Variants in SYN3 observed in about 807,000 individuals in gnomAD.
SYN3 encodes synapsin-3.
In SYN3, 35 loss-of-function variants were observed where a neutral mutation model predicts 65.8. The observed-to-expected ratio is 0.53, with a 90% confidence interval of 0.41 to 0.70. The LOEUF is 0.70. Ranked by LOEUF, SYN3 falls within the 30% of genes least tolerant of loss-of-function variation. The pLI is 0.00. For synonymous variants in SYN3, 270 were observed against 292.9 expected, an observed-to-expected ratio of 0.92 and a Z score of 0.80; for missense variants, 680 against 749.0, an observed-to-expected ratio of 0.91 and a Z score of 1.08.
At position 33,036,682 on chromosome 22, in the gene SYN3, T is replaced by C. The variant is rs1267176515; in HGVS notation, c.-163+21610A>G. On this transcript the variant is annotated intron_variant, in intron 1 of 13. Coordinates refer to ENST00000358763, the MANE Select transcript of SYN3 (RefSeq NM_003490.4). ...AAATGCTGTAAAGCCCAAGTTCTTTTTTTTTTTTTTTTTTTTTTTTTTTTT... is the reference window on the plus strand; with the variant it reads ...AAATGCTGTAAAGCCCAAGTTCTTTCTTTTTTTTTTTTTTTTTTTTTTTTT... 6.4e-4 allele frequency among the ~76,000 whole-genome samples: 12 copies of C among 18,692 alleles called. No homozygotes were observed. In the East Asian group the frequency reaches 0.022, roughly 34 times the overall value. 12.3% of individuals were successfully genotyped at this position (18,692 alleles called of 152,430 possible). A position where few individuals can be genotyped will look rare whatever the true frequency, so the allele number is the denominator to read the frequency against.
chr22:32,508,117 T>TG lies in SYN3; in HGVS notation c.*5574dup, dbSNP rs1276796268. 6.6e-6 allele frequency among the ~76,000 whole-genome samples: 1 copy of TG among 152,204 alleles called. No homozygotes were observed. The highest frequency in any genetic ancestry group is 1.5e-5 in the Non-Finnish European group (1 of 68,040). On this transcript the variant is annotated 3_prime_UTR_variant, in exon 14 of 14. Coordinates refer to ENST00000358763, the MANE Select transcript of SYN3 (RefSeq NM_003490.4). ...CCAAGCCATCGCATCCCCTGTGACT[T>TG]GCGCGTATACGCCCAGATGGCCTGA...
At chr22:32,873,269 A>G (rs901665294) in intron 4 of SYN3, among the ~76,000 whole-genome samples, 2 of 147,642 alleles carry the variant, frequency 1.4e-5, no homozygotes, top group Non-Finnish European at 3.0e-5. Context: ...TTAAATTAAC[A>G]AAGGAGGGAG....
chr22:32,987,955 T>C (rs2052577836), intron 2 of SYN3, among the ~76,000 whole-genome samples: 1 of 152,014 alleles, frequency 6.6e-6, no homozygotes, highest in Non-Finnish European at 1.5e-5. Flanking sequence ...CCAATGGAAT[T>C]GAGGATAAGA....
chr22:33,011,243 T>A (rs187475529), intron 1 of SYN3, among the ~76,000 whole-genome samples: 1 of 152,284 alleles, frequency 6.6e-6, no homozygotes, highest in Admixed American at 6.5e-5. Context: ...TTCAGGCAGT[T>A]CTCTTCTATT....
chr22:32,756,106 A>T (rs1176604085), intron 6 of SYN3, among the ~76,000 whole-genome samples: 1 of 152,112 alleles, frequency 6.6e-6, no homozygotes, highest in Non-Finnish European at 1.5e-5. Flanking sequence ...GCATTAGGAG[A>T]AATACCTAAT....
chr22:32,647,656 T>G (rs1183427301), intron 6 of SYN3, among the ~76,000 whole-genome samples: 1 of 152,106 alleles, frequency 6.6e-6, no homozygotes, highest in Non-Finnish European at 1.5e-5. Context: ...TTGCCCAGGC[T>G]GGAGTGCAGT....
At chr22:32,687,347 A>T (rs2060604885) in intron 6 of SYN3, among the ~76,000 whole-genome samples, 1 of 151,022 alleles carries the variant, frequency 6.6e-6, no homozygotes, top group Admixed American at 6.6e-5. Context: ...TATTTTTAGT[A>T]GAGACAGGGT....
chr22:32,990,392 C>T (rs1196592464), intron 2 of SYN3, among the ~76,000 whole-genome samples: 1 of 125,516 alleles, frequency 8.0e-6, no homozygotes, highest in Non-Finnish European at 1.7e-5. Context: ...ATCCACCCAT[C>T]CATCCATCCA....
chr22:32,580,948 GA>G (rs1312049852), intron 7 of SYN3, among the ~76,000 whole-genome samples: 1 of 152,164 alleles, frequency 6.6e-6, no homozygotes, highest in Admixed American at 6.5e-5. Flanking sequence ...TAGTGAATGA[GA>G]GCCTGCATTT....
chr22:33,053,248 C>T (rs2054200897), intron 1 of SYN3, among the ~76,000 whole-genome samples: 1 of 152,118 alleles, frequency 6.6e-6, no homozygotes, highest in South Asian at 2.1e-4. Context: ...CATGGTGAAA[C>T]CCCGTTTCCA....
intron 6 of SYN3, among the ~76,000 whole-genome samples, chr22:32,698,473 C>T (rs1809498971): frequency 1.3e-5 from 2 of 152,212 alleles, no homozygotes; most frequent in African/African-American, 4.8e-5. Context: ...AACAATTCAT[C>T]CTTGCCCCAG....
At chr22:32,855,696 C>T (rs1308834589) in intron 6 of SYN3, among the ~76,000 whole-genome samples, 1 of 152,148 alleles carries the variant, frequency 6.6e-6, no homozygotes, top group African/African-American at 2.4e-5. Context: ...TGGGGGCTGT[C>T]CTGAGTATTA....
At chr22:33,017,282 A>G (rs1428172438) in intron 1 of SYN3, among the ~76,000 whole-genome samples, 1 of 152,134 alleles carries the variant, frequency 6.6e-6, no homozygotes, top group East Asian at 1.9e-4. Flanking sequence ...TGTCAGTACC[A>G]TGTTTTGATT....
Position 33,006,498 on chromosome 22 carries a change from TG to T in SYN3, c.164del (p.Pro55GlnfsTer13). The T allele has an allele frequency of 6.2e-7, 1 of 1,614,160 alleles. No homozygotes were observed. The highest frequency in any genetic ancestry group is 1.7e-5 in the Admixed American group (1 of 60,024). ...PQPLAASFSS[P>X]GSSLFSSLSS... ...AGAGGGAGCTAAAAAGGCTGGATCC[TG>T]GAGAGGAGAAGGAGGCAGCCAGGGG... On this transcript the variant is annotated frameshift_variant, in exon 2 of 14. Coordinates refer to ENST00000358763, the MANE Select transcript of SYN3 (RefSeq NM_003490.4). LOFTEE classifies it high-confidence loss of function.
intron 4 of SYN3, among the ~76,000 whole-genome samples, chr22:32,921,679 A>G (rs1399650716): frequency 6.6e-6 from 1 of 152,232 alleles, no homozygotes; most frequent in Non-Finnish European, 1.5e-5. Flanking sequence ...GTTGTGACTC[A>G]GTTTCTTCCT....
chr22:32,742,433 C>A (rs902162830), intron 6 of SYN3, among the ~76,000 whole-genome samples: 1 of 152,120 alleles, frequency 6.6e-6, no homozygotes, highest in African/African-American at 2.4e-5. Flanking sequence ...CCTGGCTCAA[C>A]ACAGAGCTTC....
At chr22:32,578,625 A>G (rs1020124257) in intron 7 of SYN3, among the ~76,000 whole-genome samples, 1 of 152,240 alleles carries the variant, frequency 6.6e-6, no homozygotes, top group African/African-American at 2.4e-5. Context: ...AACATTTTAA[A>G]AAATAAAATA....
chr22:32,781,437 AGGCTACAT>A (rs1381915538), intron 6 of SYN3, among the ~76,000 whole-genome samples: 3 of 152,130 alleles, frequency 2.0e-5, no homozygotes, highest in Non-Finnish European at 2.9e-5. Context: ...TATCACCAAT[AGGCTACAT>A]GGCCTTGGAC....
In SYN3 at chr22:32,971,458, T is replaced by C. The variant is rs150476014; in HGVS notation, c.369+9187A>G. ...TGTTAACAAAACAAGGCTTAGTGGATCAGAGCGGGTAGAGTTCTGTCCGAC... is the reference window on the plus strand; with the variant it reads ...TGTTAACAAAACAAGGCTTAGTGGACCAGAGCGGGTAGAGTTCTGTCCGAC... On this transcript the variant is annotated intron_variant, in intron 3 of 13. Coordinates refer to ENST00000358763, the MANE Select transcript of SYN3 (RefSeq NM_003490.4). Among the ~76,000 whole-genome samples the C allele has an allele frequency of 3.4e-3, 511 of 152,288 alleles. 2 individuals are homozygous for C. The highest frequency in any genetic ancestry group is 5.0e-3 in the Non-Finnish European group (337 of 68,024).
Sources: gnomAD v4.1 joint callset for allele counts (sites outside exome capture counted in the v4.1 genomes callset) on GRCh38, gnomAD v4.1.1 for gene constraint, MANE v1.5 for transcripts, NCBI Gene and HGNC (gene_info 2026-07-23, HGNC 2026-07-21) for gene names.